KLC4: variants seen among roughly 807,000 people sequenced by gnomAD.
The protein encoded by KLC4 is kinesin light chain 4.
KLC4 carries 49 observed loss-of-function variants against 77.2 expected under a neutral mutation model. The observed-to-expected ratio is 0.63, with a 90% confidence interval of 0.50 to 0.80. KLC4 has a LOEUF of 0.80. KLC4 is among the 30% of genes least tolerant of loss of function. KLC4 has a pLI of 0.00. For missense variants in KLC4, 669 were observed against 793.5 expected (o/e 0.84, Z 1.89); for synonymous variants, 274 against 314.5 (o/e 0.87, Z 1.36).
chr6:43,067,254 C>T (rs950038654), intron 6 of KLC4, 171 bp downstream of exon 6: 9 of 1,308,296 alleles, frequency 6.9e-6, no homozygotes, highest in Non-Finnish European at 8.8e-6. Flanking sequence ...TAATGATTCT[C>T]AATTCTCTGA....
Position 43,072,928 on chromosome 6 carries a change from A to G in KLC4, c.1593A>G (p.Gly531=), listed in dbSNP as rs41274920. The G allele has an allele frequency of 6.2e-7, 1 of 1,610,242 alleles. No individual in the cohort carries two copies. The highest frequency in any genetic ancestry group is 1.7e-5 in the Admixed American group (1 of 59,248). Residue 531 remains glycine (G), a synonymous_variant, in exon 13 of 16, where the codon GGA becomes GGG. Coordinates refer to ENST00000347162, the MANE Select transcript of KLC4 (RefSeq NM_201521.3). Reference sequence around the variant, plus strand: ...CTGGAGACAGTGTGAAATTCGAGGGAGGTGAAGATGCTTCTGTGGCTGTGG... The same window carrying G: ...CTGGAGACAGTGTGAAATTCGAGGGGGGTGAAGATGCTTCTGTGGCTGTGG... The part of the protein sequence containing the change: ...EGPGDSVKFE[G]GEDASVAVEW...
In KLC4 at chr6:43,065,660, A is replaced by T; in HGVS notation, c.530A>T (p.Asp177Val). The change falls in exon 4 of 16, where the codon GAC (aspartate) becomes GTC (valine). Residue 177 changes from aspartate (D) to valine (V), a missense_variant. By Grantham distance (152) the Asp-to-Val change is radical (BLOSUM62 -3). Coordinates refer to ENST00000347162, the MANE Select transcript of KLC4 (RefSeq NM_201521.3). ...EGDATKDSLD[D>V]LFPNEEEEDP... ...GATGCCACCAAGGATTCCCTGGATGACCTCTTTCCTAATGAGGAGGAAGAG... is the reference window on the plus strand; with the variant it reads ...GATGCCACCAAGGATTCCCTGGATGTCCTCTTTCCTAATGAGGAGGAAGAG... 6.2e-7 allele frequency: 1 copy of T among 1,613,862 alleles called. No homozygotes were observed. Among genetic ancestry groups the T allele is most frequent in the Non-Finnish European group, 8.5e-7 (1 of 1,179,862 alleles).
chr6:43,071,839 C>G lies in KLC4; in HGVS notation c.1309-13C>G. 1.2e-6 allele frequency: 2 copies of G among 1,610,818 alleles called. No individual in the cohort carries two copies. On this transcript the variant is annotated splice_polypyrimidine_tract_variant and intron_variant, in intron 10 of 15. Coordinates refer to ENST00000347162, the MANE Select transcript of KLC4 (RefSeq NM_201521.3). ...CTCCCTGCCCTTCTTTCTGGCCTCT[C>G]TCTGTCCTGCAGAGCCGGCACCATG...
intron 15 of KLC4, chr6:43,074,275 G>GCAGC: frequency 2.2e-6 from 1 of 452,746 alleles, no homozygotes; most frequent in Non-Finnish European, 3.9e-6. Context: ...TTTTCATCCT[G>GCAGC]CAGCCGCCTT....
rs374254796 is a variant in KLC4, at chr6:43,073,361, A to G, written c.1745+23A>G. 124 of 1,563,844 alleles carry G rather than the reference A, an allele frequency of 7.9e-5. No homozygotes were observed. In the African/African-American group the frequency reaches 1.4e-3, roughly 17 times the overall value. ...CAGGTATACATGGAAGTCAAGATACAGTAAAGTGGCCGGGTGCAGTGGCTC... is the reference window on the plus strand; with the variant it reads ...CAGGTATACATGGAAGTCAAGATACGGTAAAGTGGCCGGGTGCAGTGGCTC... On this transcript the variant is annotated intron_variant, in intron 14 of 15. Coordinates refer to ENST00000347162, the MANE Select transcript of KLC4 (RefSeq NM_201521.3).
chr6:43,060,905 A>G (rs1192269316), intron 1 of KLC4, among the ~76,000 whole-genome samples: 3 of 152,108 alleles, frequency 2.0e-5, no homozygotes, highest in Non-Finnish European at 2.9e-5. Context: ...TATTTTCTGC[A>G]TATCTCCCAC....
At chr6:43,059,936 C>CTGCGGACCTCAGT in intron 1 of KLC4, 1 of 1,292,670 alleles carries the variant, frequency 7.7e-7, no homozygotes, top group African/African-American at 1.5e-5. Flanking sequence ...CTCGCTGGAG[C>CTGCGGACCTCAGT]TGCGGACCTC....
rs1311957418 is a variant in KLC4, at chr6:43,061,453, C to T, written c.118C>T (p.His40Tyr). The T allele has an allele frequency of 3.1e-6, 5 of 1,614,236 alleles. No individual in the cohort carries two copies. Among genetic ancestry groups the T allele is most frequent in the South Asian group, 1.1e-5 (1 of 91,092 alleles). Reference protein sequence around the residue: ...SQGLEALRSEHQAVLQSLSQT... With the variant: ...SQGLEALRSEYQAVLQSLSQT... ...AGGGCTAGAGGCCCTACGCAGTGAA[C>T]ACCAGGCCGTGCTGCAAAGCCTGTC... Residue 40 changes from histidine to tyrosine, a missense_variant, in exon 2 of 16, where the codon CAC becomes TAC. His to Tyr is a moderately conservative substitution (Grantham distance 83). Transcript: ENST00000347162.
intron 6 of KLC4, chr6:43,067,337 C>T (rs1481888227): frequency 2.4e-5 from 17 of 715,680 alleles, no homozygotes; most frequent in Non-Finnish European, 3.2e-5. Context: ...GGTAAATCCA[C>T]ATATGATTTC....
At chr6:43,060,068 A>C in intron 1 of KLC4, 1 of 1,514,680 alleles carries the variant, frequency 6.6e-7, no homozygotes, top group South Asian at 1.3e-5. Flanking sequence ...CAGGAGACCC[A>C]CTCCAGCGCC....
Position 43,071,598 on chromosome 6 carries a change from G to A in KLC4, c.1287G>A (p.Glu429=), listed in dbSNP as rs745954409. 10 of 1,613,816 alleles carry A rather than the reference G, an allele frequency of 6.2e-6. 1 individual carries two copies. The South Asian group carries it at 9.9e-5, about 16-fold the overall frequency. ...DDHKPIWMHA[E]EREEMSKSRH... ...ACAAGCCCATCTGGATGCATGCAGA[G>A]GAGCGGGAGGAAATGAGCAAAGTGA... The change falls in exon 10 of 16, where the codon GAG becomes GAA. Residue 429 remains glutamate, a synonymous_variant. Transcript: ENST00000347162.
intron 6 of KLC4, among the ~76,000 whole-genome samples, chr6:43,068,471 T>A (rs1343913264): frequency 6.9e-6 from 1 of 145,398 alleles, no homozygotes; most frequent in Non-Finnish European, 1.5e-5. Flanking sequence ...AAACTCTGTC[T>A]CAAAAAAAAA....
In KLC4 at chr6:43,072,181, G is replaced by A. The variant is rs1416674383; in HGVS notation, c.1414G>A (p.Ala472Thr). 1.2e-6 allele frequency: 2 copies of A among 1,614,034 alleles called. No homozygotes were observed. The highest frequency in any genetic ancestry group is 1.7e-6 in the Non-Finnish European group (2 of 1,180,020). Residue 472 changes from alanine to threonine, a missense_variant, in exon 12 of 16, where the codon GCT becomes ACT. Coordinates refer to ENST00000347162, the MANE Select transcript of KLC4 (RefSeq NM_201521.3). ...GAACACTACTCTGAGAAACCTGGGAGCTCTGTATAGGCGCCAGGGAAAGCT... is the reference window on the plus strand; with the variant it reads ...GAACACTACTCTGAGAAACCTGGGAACTCTGTATAGGCGCCAGGGAAAGCT... The part of the protein sequence containing the change: ...TVNTTLRNLG[A>T]LYRRQGKLEA...
At chr6:43,061,255 T>A (rs1765137689) in intron 1 of KLC4, 56 bp from the exon 2 acceptor site, 3 of 1,538,646 alleles carry the variant, frequency 1.9e-6, no homozygotes, top group South Asian at 2.5e-5. Context: ...CTGAGAAAGT[T>A]GCTCAGCTTC....
intron 3 of KLC4, 75 bp from the exon 4 acceptor site, chr6:43,065,545 T>C (rs1765376230): frequency 3.1e-6 from 3 of 956,918 alleles, no homozygotes; most frequent in Middle Eastern, 4.4e-4. Flanking sequence ...TGTGATTTCA[T>C]GGCTTAGAGG....
At chr6:43,069,137 A>G (rs934758606) in intron 6 of KLC4, among the ~76,000 whole-genome samples, 2 of 151,930 alleles carry the variant, frequency 1.3e-5, no homozygotes, top group Non-Finnish European at 2.9e-5. Context: ...ATAAATATAA[A>G]TAAAAGGAAA....
At chr6:43,072,614 A>G (rs910537082) in intron 12 of KLC4, 1 of 589,578 alleles carries the variant, frequency 1.7e-6, no homozygotes, top group Non-Finnish European at 3.0e-6. Flanking sequence ...AAATCAATTC[A>G]GTATGGGCCA....
At position 43,070,094 on chromosome 6, in the gene KLC4, AC is replaced by A. The variant is rs373463681; in HGVS notation, c.880-259del. 1.1e-3 allele frequency among the ~76,000 whole-genome samples: 148 copies of A among 132,852 alleles called. 1 individual carries two copies. The highest frequency in any genetic ancestry group is 4.6e-3 in the African/African-American group (130 of 28,258). 87.2% of individuals were successfully genotyped at this position (132,852 alleles called of 152,430 possible). On this transcript the variant is annotated intron_variant, in intron 6 of 15. Coordinates refer to ENST00000347162, the MANE Select transcript of KLC4 (RefSeq NM_201521.3). ...AATCTTCATGGTGACAACAACAACA[AC>A]AAAAAAAAAAAAAAAAGAAAGAAAA...
In KLC4 at chr6:43,072,936, A is replaced by T. The variant is rs369225036; in HGVS notation, c.1601A>T (p.Asp534Val). Residue 534 changes from aspartate (D) to valine (V), a missense_variant, in exon 13 of 16, where the codon GAT becomes GTT. Coordinates refer to ENST00000347162, the MANE Select transcript of KLC4 (RefSeq NM_201521.3). ...AGTGTGAAATTCGAGGGAGGTGAAG[A>T]TGCTTCTGTGGCTGTGGAGTGGTCC... ...GDSVKFEGGE[D>V]ASVAVEWSGD... The T allele has an allele frequency of 1.2e-5, 19 of 1,609,440 alleles. No individual in the cohort carries two copies. Among genetic ancestry groups the T allele is most frequent in the African/African-American group, 4.0e-5 (3 of 74,690 alleles).
Sources: gnomAD v4.1 joint callset for allele counts (sites outside exome capture counted in the v4.1 genomes callset) on GRCh38, gnomAD v4.1.1 for gene constraint, MANE v1.5 for transcripts, NCBI Gene and HGNC (gene_info 2026-07-23, HGNC 2026-07-21) for gene names.